The following KLF16 variants were observed in gnomAD, a reference collection of about 807,000 sequenced individuals.
KLF16 encodes Krueppel-like factor 16.
A neutral mutation model predicts 6.1 loss-of-function variants in KLF16; 6 were observed. That is an observed-to-expected ratio of 0.98 (90% confidence interval 0.54 to 1.93). The LOEUF is 1.93. Among genes scored for constraint, KLF16 ranks in the 30% most tolerant of loss-of-function variants. The probability of loss-of-function intolerance (pLI) is 0.01; values close to 1 mark genes in which losing one functional copy is unlikely to be tolerated. For missense variants in KLF16, 355 were observed against 363.8 expected, an observed-to-expected ratio of 0.98 and a Z score of 0.20; for synonymous variants, 211 against 176.5, an observed-to-expected ratio of 1.20 and a Z score of -1.55.
At chr19:1,874,869 G>A in the KLF16 span, 10 of 147,810 alleles carry the variant, frequency 6.8e-5, no homozygotes, top group South Asian at 1.3e-3. Flanking sequence ...GAGCCAAGAA[G>A]ATAAAATACA....
the KLF16 span, among the ~76,000 whole-genome samples, chr19:1,872,772 G>C: frequency 6.6e-6 from 1 of 151,832 alleles, no homozygotes; most frequent in East Asian, 1.9e-4. Flanking sequence ...TCTCTCGGTG[G>C]GGAAGCAGGG....
In KLF16 at chr19:1,854,301, A is replaced by T; in HGVS notation, c.*158T>A. 1.1e-6 allele frequency: 1 copy of T among 883,310 alleles called. No individual in the cohort carries two copies. Among genetic ancestry groups the T allele is most frequent in the Non-Finnish European group, 1.6e-6 (1 of 642,894 alleles). The allele number at this position is 883,310 out of a possible 1,614,324, so 54.7% of individuals were successfully genotyped here. A position where few individuals can be genotyped will look rare whatever the true frequency, so the allele number is the denominator to read the frequency against. On this transcript the variant is annotated 3_prime_UTR_variant, in exon 2 of 2. Transcript: ENST00000250916. Reference sequence around the variant, plus strand: ...GCCACCTCTGAGGTCAGGCAGACCCAGGTCCAGTCTCAGGCCCCCTCCTCA... The same window carrying T: ...GCCACCTCTGAGGTCAGGCAGACCCTGGTCCAGTCTCAGGCCCCCTCCTCA...
the KLF16 span, among the ~76,000 whole-genome samples, chr19:1,873,947 T>C: frequency 2.6e-5 from 4 of 152,226 alleles, no homozygotes; most frequent in African/African-American, 9.6e-5. Flanking sequence ...TCGCAGCAGC[T>C]TGAGAATGGG....
upstream of KLF16, chr19:1,863,652 C>A: frequency 5.8e-6 from 1 of 171,620 alleles, no homozygotes; most frequent in Non-Finnish European, 1.1e-5. Flanking sequence ...GCCTGCCCCG[C>A]CCCGCCTGAC....
upstream of KLF16, among the ~76,000 whole-genome samples, chr19:1,867,168 T>C (rs2012200674): frequency 6.6e-6 from 1 of 152,138 alleles, no homozygotes; most frequent in Admixed American, 6.5e-5. Flanking sequence ...GGGCCTTGCC[T>C]CATAGAGGGC....
At chr19:1,864,894 G>A (rs2012160487), upstream of KLF16, among the ~76,000 whole-genome samples, 1 of 152,214 alleles carries the variant, frequency 6.6e-6, no homozygotes, top group Non-Finnish European at 1.5e-5. Context: ...CGGGGACTGC[G>A]CAGTGGCCGG....
At chr19:1,867,961 T>TGTGTGTGC (rs1555831975), upstream of KLF16, among the ~76,000 whole-genome samples, 7 of 146,308 alleles carry the variant, frequency 4.8e-5, no homozygotes, top group African/African-American at 1.7e-4. Context: ...TGTGTGTGTG[T>TGTGTGTGC]GCGTGCGCGC....
upstream of KLF16, among the ~76,000 whole-genome samples, chr19:1,865,138 A>T (rs2012166374): frequency 6.6e-6 from 1 of 152,062 alleles, no homozygotes; most frequent in Admixed American, 6.5e-5. Context: ...CAGTAAGCCC[A>T]CTCTACGTGG....
upstream of KLF16, among the ~76,000 whole-genome samples, chr19:1,867,762 G>T (rs2012210139): frequency 6.6e-6 from 1 of 152,210 alleles, no homozygotes; most frequent in Non-Finnish European, 1.5e-5. Flanking sequence ...AGCTACTCGG[G>T]AGGCTGAGGC....
Position 1,854,204 on chromosome 19 carries a change from C to T in KLF16, c.*255G>A, listed in dbSNP as rs949666037. The T allele has an allele frequency of 2.3e-6, 1 of 429,372 alleles. No homozygotes were observed. The highest frequency in any genetic ancestry group is 3.9e-5 in the East Asian group (1 of 25,888). The allele number at this position is 429,372 out of a possible 1,614,324, so 26.6% of individuals were successfully genotyped here. Reference sequence around the variant, plus strand: ...CCTCCTAGCTGCCCTGGGGGGGCCCCGTTGCACAGATGGGAAGAAAGTTAG... The same window carrying T: ...CCTCCTAGCTGCCCTGGGGGGGCCCTGTTGCACAGATGGGAAGAAAGTTAG... On this transcript the variant is annotated 3_prime_UTR_variant, in exon 2 of 2. Transcript: ENST00000250916.
At chr19:1,863,017 G>A (rs755408252) in intron 1 of KLF16, 24 bp downstream of exon 1, 52 of 1,289,842 alleles carry the variant, frequency 4.0e-5, no homozygotes, top group Non-Finnish European at 4.7e-5. Flanking sequence ...CCCCCGCAAG[G>A]GCCGGGATCG....
Position 1,863,193 on chromosome 19 carries a change from G to A in KLF16, c.305C>T (p.Ser102Phe). Residue 102 changes from serine (S) to phenylalanine (F), a missense_variant, in exon 1 of 2, where the codon TCC becomes TTC. Ser to Phe is a radical substitution (Grantham distance 155). Transcript: ENST00000250916. The stretch of plus-strand genomic sequence containing the variant: ...CGGGGACGAGGCGGCTGAGGAGGAG[G>A]AGGCGGGCGAGGCGCCCCCCGGGGC... Reference protein sequence around the residue: ...GAAPGGASPASSSSAASSPSS... With the variant: ...GAAPGGASPAFSSSAASSPSS... The A allele has an allele frequency of 8.6e-7, 1 of 1,162,688 alleles. No homozygotes were observed. The highest frequency in any genetic ancestry group is 1.1e-6 in the Non-Finnish European group (1 of 938,164). The allele number at this position is 1,162,688 out of a possible 1,614,324, so 72.0% of individuals were successfully genotyped here. A position where few individuals can be genotyped will look rare whatever the true frequency, so the allele number is the denominator to read the frequency against.
chr19:1,858,337 G>A (rs2011995877), intron 1 of KLF16, among the ~76,000 whole-genome samples: 2 of 152,206 alleles, frequency 1.3e-5, no homozygotes, highest in Admixed American at 6.5e-5. Flanking sequence ...GGCTGATCCT[G>A]CCCGGAGCTT....
In KLF16 at chr19:1,854,169, GA is replaced by G. The variant is rs2011896997; in HGVS notation, c.*289del. ...GGGCAGCAGGGGGTGGTGGAGAGGA[GA>G]GGGGAGGACCTCCTAGCTGCCCTGG... On this transcript the variant is annotated 3_prime_UTR_variant, in exon 2 of 2. Transcript: ENST00000250916. 2.8e-6 allele frequency: 1 copy of G among 362,756 alleles called. No homozygotes were observed. The highest frequency in any genetic ancestry group is 2.1e-5 in the African/African-American group (1 of 47,102). 22.5% of individuals were successfully genotyped at this position (362,756 alleles called of 1,614,324 possible).
At chr19:1,864,572 A>T (rs1233225387), upstream of KLF16, among the ~76,000 whole-genome samples, 1 of 148,358 alleles carries the variant, frequency 6.7e-6, no homozygotes, top group Non-Finnish European at 1.5e-5. Flanking sequence ...AGGGGGCCGA[A>T]CGCAAAGGGC....
Position 1,854,565 on chromosome 19 carries a change from C to T in KLF16, c.653G>A (p.Arg218Gln), listed in dbSNP as rs1440491671. Residue 218 changes from arginine to glutamine, a missense_variant, in exon 2 of 2, where the codon CGG (arginine) becomes CAG (glutamine). Arg to Gln is a conservative substitution (Grantham distance 43). Transcript: ENST00000250916. The part of the protein sequence containing the change: ...RHPGFHPDLL[R>Q]RPGARSTSPS... ...GGAGGTACTGCGGGCACCAGGGCGC[C>T]GGAGCAGGTCCGGGTGGAAGCCGGG... 5 of 1,577,448 alleles carry T rather than the reference C, an allele frequency of 3.2e-6. No individual in the cohort carries two copies. Among genetic ancestry groups the T allele is most frequent in the Middle Eastern group, 1.9e-4 (1 of 5,322 alleles).
chr19:1,870,870 C>G, the KLF16 span, among the ~76,000 whole-genome samples: 1 of 152,174 alleles, frequency 6.6e-6, no homozygotes, highest in Admixed American at 6.5e-5. Flanking sequence ...GTGGCACGCG[C>G]CCGTAATCCC....
In KLF16 at chr19:1,857,299, T is replaced by C. The variant is rs938280312; in HGVS notation, c.458-2539A>G. ...CAGGGAGGAGGGTGGGGTGAACTTG[T>C]GGGGGCCCAGAGCGCGCTGCTCCTA... On this transcript the variant is annotated intron_variant, in intron 1 of 1. Coordinates refer to ENST00000250916, the MANE Select transcript of KLF16 (RefSeq NM_031918.4). The surrounding 1 kb of genome is among the most constrained non-coding windows in gnomAD (Gnocchi z 4.7). 1.3e-5 allele frequency among the ~76,000 whole-genome samples: 2 copies of C among 152,104 alleles called. No individual in the cohort carries two copies. Among genetic ancestry groups the C allele is most frequent in the Non-Finnish European group, 2.9e-5 (2 of 67,996 alleles).
Position 1,854,615 on chromosome 19 carries a change from G to A in KLF16, c.603C>T (p.His201=). 6.3e-7 allele frequency: 1 copy of A among 1,597,702 alleles called. No homozygotes were observed. Among genetic ancestry groups the A allele is most frequent in the South Asian group, 1.1e-5 (1 of 90,888 alleles). ...LCSKRFTRSD[H]LAKHARRHPG... ...GGTGGCGGCGGGCGTGCTTGGCCAG[G>A]TGGTCACTGCGGGTGAAGCGCTTGG... The change falls in exon 2 of 2, where the codon CAC becomes CAT. Residue 201 remains histidine, a synonymous_variant. Coordinates refer to ENST00000250916, the MANE Select transcript of KLF16 (RefSeq NM_031918.4).
Sources: gnomAD v4.1 joint callset for allele counts (sites outside exome capture counted in the v4.1 genomes callset) on GRCh38, gnomAD v4.1.1 for gene constraint, Gnocchi (gnomAD v3.1) non-coding constraint, MANE v1.5 for transcripts, NCBI Gene and HGNC (gene_info 2026-07-23, HGNC 2026-07-21) for gene names.